The following RNF220 variants were observed in gnomAD, a reference collection of about 807,000 sequenced individuals.
RNF220 encodes ring finger protein 220, also known as E3 ubiquitin-protein ligase RNF220.
In RNF220, 7 loss-of-function variants were observed where a neutral mutation model predicts 67.1. That is an observed-to-expected ratio of 0.10 (90% CI 0.06 to 0.20). The LOEUF is 0.20. Among genes scored for constraint, RNF220 ranks in the 10% least tolerant of loss-of-function variants. The pLI is 1.00. For missense variants in RNF220, 565 were observed against 740.3 expected (o/e 0.76, Z 2.75); for synonymous variants, 270 against 283.2 (o/e 0.95, Z 0.47).
At chr1:44,552,042 C>T (rs1416950639) in intron 2 of RNF220, among the ~76,000 whole-genome samples, 1 of 152,186 alleles carries the variant, frequency 6.6e-6, no homozygotes, top group Non-Finnish European at 1.5e-5. Flanking sequence ...GTATATGCCA[C>T]CAAACCGTGG....
chr1:44,582,629 C>A (rs1355370642), intron 2 of RNF220, among the ~76,000 whole-genome samples: 1 of 150,580 alleles, frequency 6.6e-6, no homozygotes, highest in South Asian at 2.1e-4. Context: ...TGGTGGCAGG[C>A]GCCTCTAATC....
rs1367974405 is a variant in RNF220 at position 44,549,193 on chromosome 1, AAAAC to A, written c.626-64956_626-64953del. On this transcript the variant is annotated intron_variant, in intron 2 of 14. Transcript: ENST00000361799. ...CAGAGTGAGAGACTCTGTCTCGGGA[AAAAC>A]AAACAAACAAACAAAAACAGCTATG... Among the ~76,000 whole-genome samples the A allele has an allele frequency of 6.6e-5, 10 of 152,320 alleles. No homozygotes were observed. The East Asian group carries it at 1.3e-3, about 21-fold the overall frequency.
chr1:44,603,557 C>G (rs966334239), intron 2 of RNF220, among the ~76,000 whole-genome samples: 3 of 152,240 alleles, frequency 2.0e-5, no homozygotes, highest in African/African-American at 7.2e-5. Context: ...GTGAAGGTCT[C>G]CCATTAATTC....
At chr1:44,430,838 C>T (rs779351427) in intron 2 of RNF220, among the ~76,000 whole-genome samples, 3 of 152,206 alleles carry the variant, frequency 2.0e-5, no homozygotes, top group Admixed American at 2.0e-4. Context: ...AGCCACCACG[C>T]CCAGCCACCA....
intron 2 of RNF220, among the ~76,000 whole-genome samples, chr1:44,421,247 G>A (rs187169139): frequency 7.8e-4 from 118 of 152,254 alleles, no homozygotes; most frequent in South Asian, 6.0e-3. Context: ...AAATCTCATG[G>A]TATTTTCTTA....
At chr1:44,477,448 A>G (rs1201444954) in intron 2 of RNF220, among the ~76,000 whole-genome samples, 1 of 152,238 alleles carries the variant, frequency 6.6e-6, no homozygotes, top group Non-Finnish European at 1.5e-5. Flanking sequence ...AAGGCCTGCA[A>G]TGAGCAAGGA....
intron 2 of RNF220, among the ~76,000 whole-genome samples, chr1:44,575,427 CTG>C (rs1366128091): frequency 3.3e-5 from 5 of 152,162 alleles, no homozygotes; most frequent in Non-Finnish European, 5.9e-5. Context: ...CAGGTTGACT[CTG>C]TATCTTTGCT....
chr1:44,582,003 T>C (rs1000516485), intron 2 of RNF220, among the ~76,000 whole-genome samples: 1 of 152,220 alleles, frequency 6.6e-6, no homozygotes, highest in African/African-American at 2.4e-5. Context: ...ACATTCGGCC[T>C]GGCCAGCACT....
At position 44,569,480 on chromosome 1, in the gene RNF220, A is replaced by C. The variant is rs1268608816; in HGVS notation, c.626-44685A>C. 5.3e-5 allele frequency among the ~76,000 whole-genome samples: 8 copies of C among 152,338 alleles called. No homozygotes were observed. In the East Asian group the frequency reaches 1.5e-3, roughly 29 times the overall value. On this transcript the variant is annotated intron_variant, in intron 2 of 14. Coordinates refer to ENST00000361799, the MANE Select transcript of RNF220 (RefSeq NM_018150.4). ...CATGAAATTATGGGCTGACGATGATAGTTTAATCTTTTAGACTTTATATAA... is the reference window on the plus strand; with the variant it reads ...CATGAAATTATGGGCTGACGATGATCGTTTAATCTTTTAGACTTTATATAA...
At chr1:44,588,401 G>T (rs1435210790) in intron 2 of RNF220, among the ~76,000 whole-genome samples, 1 of 152,192 alleles carries the variant, frequency 6.6e-6, no homozygotes, top group African/African-American at 2.4e-5. Flanking sequence ...CCTTTCCCTT[G>T]GAGGCTTCAG....
chr1:44,447,336 T>A (rs1652205861), intron 2 of RNF220, among the ~76,000 whole-genome samples: 1 of 152,232 alleles, frequency 6.6e-6, no homozygotes, highest in Non-Finnish European at 1.5e-5. Context: ...TACAAATTGC[T>A]GTCAGGACAA....
intron 2 of RNF220, among the ~76,000 whole-genome samples, chr1:44,442,514 CTT>C (rs10636964): frequency 7.0e-5 from 9 of 127,750 alleles, no homozygotes; most frequent in Admixed American, 8.4e-5. Context: ...CACTCACACT[CTT>C]TTTTTTTTTT....
intron 2 of RNF220, among the ~76,000 whole-genome samples, chr1:44,538,157 A>G (rs1661381582): frequency 6.6e-6 from 1 of 152,196 alleles, no homozygotes; most frequent in Non-Finnish European, 1.5e-5. Flanking sequence ...AAAATGCTGT[A>G]CAGGACAAAG....
intron 2 of RNF220, among the ~76,000 whole-genome samples, chr1:44,469,487 C>A (rs575250509): frequency 6.6e-6 from 1 of 152,284 alleles, no homozygotes; most frequent in Non-Finnish European, 1.5e-5. Context: ...AAACCTCCCC[C>A]CTAATACATT....
At position 44,412,662 on chromosome 1, in the gene RNF220, G is replaced by A; in HGVS notation, c.565G>A (p.Val189Ile). Reference sequence around the variant, plus strand: ...TGACACTGGGAAGAAGATTTTTGCTGTCTCTGGCCTCATTTCTGATCGGGA... The same window carrying A: ...TGACACTGGGAAGAAGATTTTTGCTATCTCTGGCCTCATTTCTGATCGGGA... The part of the protein sequence containing the change: ...VDDTGKKIFA[V>I]SGLISDREAS... The change falls in exon 2 of 15, where the codon GTC (valine) becomes ATC (isoleucine). Residue 189 changes from valine (V) to isoleucine (I), a missense_variant. Physicochemically the swap from Val to Ile is conservative, Grantham distance 29 (BLOSUM62 3). Transcript: ENST00000361799. The surrounding 1 kb of genome is among the most constrained non-coding windows in gnomAD (Gnocchi z 5.3). The A allele has an allele frequency of 1.2e-6, 2 of 1,614,158 alleles. No homozygotes were observed. The highest frequency in any genetic ancestry group is 1.7e-6 in the Non-Finnish European group (2 of 1,180,034).
At chr1:44,434,435 G>A (rs941958133) in intron 2 of RNF220, among the ~76,000 whole-genome samples, 4 of 152,084 alleles carry the variant, frequency 2.6e-5, no homozygotes, top group South Asian at 2.1e-4. Context: ...TGGGCTGGGC[G>A]CGGTGGCTCA....
At chr1:44,405,192 T>C (rs939328759), upstream of RNF220, 1 of 312,020 alleles carries the variant, frequency 3.2e-6, no homozygotes, top group Non-Finnish European at 5.9e-6. Flanking sequence ...TGAGAGAATG[T>C]GTGCGTGCGT....
intron 2 of RNF220, among the ~76,000 whole-genome samples, chr1:44,543,218 C>T (rs995595337): frequency 1.2e-4 from 18 of 152,146 alleles, no homozygotes; most frequent in African/African-American, 4.3e-4. Flanking sequence ...CCCACCTTCG[C>T]CGGCTACCCC....
At chr1:44,523,885 G>T (rs143125422) in intron 2 of RNF220, among the ~76,000 whole-genome samples, 6 of 152,320 alleles carry the variant, frequency 3.9e-5, no homozygotes, top group Non-Finnish European at 8.8e-5. Flanking sequence ...GCTCGCCAGT[G>T]ACCTCTGGCA....
Sources: allele counts gnomAD v4.1 joint callset (sites outside exome capture counted in the v4.1 genomes callset), GRCh38; gene constraint gnomAD v4.1.1; non-coding constraint Gnocchi (gnomAD v3.1); transcripts MANE v1.5; gene names NCBI Gene and HGNC (gene_info 2026-07-23, HGNC 2026-07-21).